The following NBAS variants were observed in gnomAD, a reference collection of about 807,000 sequenced individuals.
NBAS encodes the protein NBAS subunit of NRZ tethering complex, also known as NAG/BC035112 fusion.
In NBAS, 219 loss-of-function variants were observed where a neutral mutation model predicts 302.5. The observed-to-expected ratio is 0.72, with a 90% CI of 0.65 to 0.81. NBAS has a LOEUF of 0.81. Among genes scored for constraint, NBAS ranks in the 30% least tolerant of loss-of-function variants. The pLI, the probability that NBAS is intolerant of heterozygous loss-of-function variation, is 0.00. For synonymous variants in NBAS, 1,118 were observed against 1,021.6 expected, an observed-to-expected ratio of 1.09 and a Z score of -1.80; for missense variants, 2,932 against 2,841.6, an observed-to-expected ratio of 1.03 and a Z score of -0.72.
At chr2:15,170,482 G>C (rs10179251) in intron 51 of NBAS, among the ~76,000 whole-genome samples, 1 of 152,052 alleles carries the variant, frequency 6.6e-6, no homozygotes, top group Admixed American at 6.5e-5. Flanking sequence ...CCTAAAGAAC[G>C]ATAAAGGTCT....
Position 15,167,255 on chromosome 2 carries a change from A to T in NBAS, c.6909T>A (p.Cys2303Ter), listed in dbSNP as rs778338208. ...TACGTGGATAGAAGGGAGTGGAGACACACTTCACCAGCAGCTTGGCATCCA... is the reference window on the plus strand; with the variant it reads ...TACGTGGATAGAAGGGAGTGGAGACTCACTTCACCAGCAGCTTGGCATCCA... ...LLLDAKLLVK[C>*]VSTPFYPRIV... Residue 2303 changes from cysteine to a stop codon, truncating the protein, a stop_gained, in exon 52 of 52, where the codon TGT (cysteine) becomes TGA (stop). Coordinates refer to ENST00000281513, the MANE Select transcript of NBAS (RefSeq NM_015909.4). LOFTEE classifies it low-confidence loss of function (END_TRUNC). The T allele has an allele frequency of 9.3e-6, 15 of 1,614,108 alleles. No homozygotes were observed. The highest frequency in any genetic ancestry group is 1.3e-5 in the Non-Finnish European group (15 of 1,180,034).
the NBAS span, among the ~76,000 whole-genome samples, chr2:15,038,494 A>G: frequency 6.6e-6 from 1 of 152,134 alleles, no homozygotes; most frequent in Non-Finnish European, 1.5e-5. Context: ...TGCACATCTC[A>G]TGATTAGAAG....
intron 40 of NBAS, among the ~76,000 whole-genome samples, chr2:15,299,238 T>G (rs969349017): frequency 2.0e-5 from 3 of 152,122 alleles, no homozygotes; most frequent in Non-Finnish European, 4.4e-5. Flanking sequence ...AAAAAGGAAA[T>G]TGTGAAGAGT....
intron 40 of NBAS, among the ~76,000 whole-genome samples, chr2:15,298,043 C>A (rs1023313648): frequency 1.3e-5 from 2 of 152,144 alleles, no homozygotes; most frequent in South Asian, 2.1e-4. Flanking sequence ...AAAATTCTGT[C>A]TTAATAAAGT....
intron 51 of NBAS, among the ~76,000 whole-genome samples, chr2:15,176,822 G>A (rs915981214): frequency 7.2e-5 from 11 of 152,144 alleles, no homozygotes; most frequent in Non-Finnish European, 1.2e-4. Context: ...TGTCACACTG[G>A]GGGGAACTGG....
At chr2:15,352,924 C>T (rs529274042) in intron 34 of NBAS, among the ~76,000 whole-genome samples, 7 of 152,216 alleles carry the variant, frequency 4.6e-5, no homozygotes, top group East Asian at 3.9e-4. Context: ...GTGACAACTG[C>T]CTGACCCATC....
rs1679968630 is a variant in NBAS at position 15,471,804 on chromosome 2, ATAAGG to A, written c.1725+1413_1725+1417del. The stretch of plus-strand genomic sequence containing the variant: ...TTTCTCTCTCTCTGCTGTCTGCCAT[ATAAGG>A]ACACAGCAAGAAAGAAATCCATCTG... On this transcript the variant is annotated intron_variant, in intron 16 of 51. Coordinates refer to ENST00000281513, the MANE Select transcript of NBAS (RefSeq NM_015909.4). Among the ~76,000 whole-genome samples, 3 of 152,290 alleles carry A rather than the reference ATAAGG, an allele frequency of 2.0e-5. No homozygotes were observed. The East Asian group carries it at 5.8e-4, about 29-fold the overall frequency.
Position 15,342,065 on chromosome 2 carries a change from C to A in NBAS, c.4179+9927G>T, listed in dbSNP as rs143286747. 5.0e-3 allele frequency among the ~76,000 whole-genome samples: 767 copies of A among 152,068 alleles called. 11 individuals carry two copies. The highest frequency in any genetic ancestry group is 0.017 in the African/African-American group (709 of 41,478). On this transcript the variant is annotated intron_variant, in intron 35 of 51. Transcript: ENST00000281513. The stretch of plus-strand genomic sequence containing the variant: ...GTGCTGGTATCAACAGTAAACAAAA[C>A]AAAGTGAGCATTTACACAAAGTTAT...
At chr2:15,508,322 G>A (rs1661969147) in intron 10 of NBAS, among the ~76,000 whole-genome samples, 1 of 152,132 alleles carries the variant, frequency 6.6e-6, no homozygotes, top group Admixed American at 6.5e-5. Flanking sequence ...CAATACTTCA[G>A]TAAGGTGCAA....
the NBAS span, among the ~76,000 whole-genome samples, chr2:15,071,008 G>A: frequency 3.2e-4 from 49 of 152,072 alleles, no homozygotes; most frequent in African/African-American, 9.9e-4. Context: ...AATGCACAGT[G>A]GGTTAGTGAC....
chr2:14,845,573 A>G, the NBAS span, among the ~76,000 whole-genome samples: 19 of 152,248 alleles, frequency 1.2e-4, no homozygotes, highest in Non-Finnish European at 1.9e-4. Context: ...GACACCAGGG[A>G]CCAATCCTGG....
At position 15,534,583 on chromosome 2, in the gene NBAS, G is replaced by C. The variant is rs1663392287; in HGVS notation, c.706C>G (p.Pro236Ala). 3 of 1,613,618 alleles carry C rather than the reference G, an allele frequency of 1.9e-6. No homozygotes were observed. The African/African-American group carries it at 4.0e-5, about 22-fold the overall frequency. ...SHCFSFSSHY[P>A]HGINTAIYHP... ...TAAATAGCTGTGTTGATTCCATGAG[G>C]ATAATGACTACTGAAGCTGAAACAG... Residue 236 changes from proline (P) to alanine (A), a missense_variant, in exon 9 of 52, where the codon CCT becomes GCT. Coordinates refer to ENST00000281513, the MANE Select transcript of NBAS (RefSeq NM_015909.4).
At chr2:14,875,376 T>C in the NBAS span, among the ~76,000 whole-genome samples, 1 of 152,136 alleles carries the variant, frequency 6.6e-6, no homozygotes, top group African/African-American at 2.4e-5. Context: ...TCCCAGCATT[T>C]TGGGAGGGCA....
the NBAS span, among the ~76,000 whole-genome samples, chr2:15,007,648 T>C: frequency 6.6e-6 from 1 of 152,202 alleles, no homozygotes; most frequent in Admixed American, 6.5e-5. Flanking sequence ...CAGATTGTCA[T>C]CTGGGAAACT....
chr2:15,390,862 C>G lies in NBAS; in HGVS notation c.3257+3365G>C, dbSNP rs896269894. Among the ~76,000 whole-genome samples the G allele has an allele frequency of 5.3e-5, 8 of 152,060 alleles. No individual in the cohort carries two copies. The East Asian group carries it at 1.5e-3, about 29-fold the overall frequency. On this transcript the variant is annotated intron_variant, in intron 28 of 51. Transcript: ENST00000281513. ...AGGCGTGGTGGCTCATGCCTGTAAT[C>G]CCAGCACTTTGGAAGGCCGAGGCAG...
intron 15 of NBAS, 21 bp from the exon 16 acceptor site, chr2:15,473,368 A>G (rs1680041346): frequency 1.2e-6 from 2 of 1,612,884 alleles, no homozygotes; most frequent in South Asian, 2.2e-5. Flanking sequence ...AAACACGAGG[A>G]CAGGAATGTT....
intron 28 of NBAS, among the ~76,000 whole-genome samples, chr2:15,389,000 A>G (rs1051937797): frequency 4.6e-5 from 7 of 152,174 alleles, no homozygotes; most frequent in Non-Finnish European, 8.8e-5. Flanking sequence ...CCATATATAT[A>G]TACACTCAGT....
At chr2:15,383,674 T>C (rs769722247) in intron 28 of NBAS, among the ~76,000 whole-genome samples, 84 of 152,314 alleles carry the variant, frequency 5.5e-4, no homozygotes, top group Non-Finnish European at 1.1e-3. Flanking sequence ...AGCTATGATA[T>C]AGCTTGATGA....
At chr2:15,166,882 GA>G (rs369473113), downstream of NBAS, 42 of 892,440 alleles carry the variant, frequency 4.7e-5, no homozygotes, top group South Asian at 9.6e-5. Flanking sequence ...GTACAAGAAA[GA>G]AAAAAAAGGT....
Sources: allele counts gnomAD v4.1 joint callset (sites outside exome capture counted in the v4.1 genomes callset), GRCh38; gene constraint gnomAD v4.1.1; transcripts MANE v1.5; gene names NCBI Gene and HGNC (gene_info 2026-07-23, HGNC 2026-07-21).